PACRG: variants seen among roughly 807,000 people sequenced by gnomAD.
PACRG encodes the protein parkin coregulated gene protein.
Under a neutral mutation model 29.7 loss-of-function variants are expected in PACRG, and 29 were observed. That is an observed-to-expected ratio of 0.98 (90% CI 0.73 to 1.33). The LOEUF is 1.33. Ranked by LOEUF, PACRG falls within the 40% of genes most tolerant of loss-of-function variation. The pLI is 0.00. For missense variants in PACRG, 279 were observed against 316.2 expected (o/e 0.88, Z 0.89); for synonymous variants, 116 against 118.7 (o/e 0.98, Z 0.15).
intron 2 of PACRG, among the ~76,000 whole-genome samples, chr6:162,987,320 G>A (rs986087071): frequency 1.3e-5 from 2 of 152,114 alleles, no homozygotes; most frequent in African/African-American, 4.8e-5. Flanking sequence ...GAGCTACCAG[G>A]CTCCAGGCTG....
At chr6:162,825,718 T>C (rs1260032812) in intron 2 of PACRG, among the ~76,000 whole-genome samples, 1 of 152,196 alleles carries the variant, frequency 6.6e-6, no homozygotes, top group African/African-American at 2.4e-5. Flanking sequence ...ATCTGCCTTC[T>C]GTGGGAGGCC....
chr6:163,093,726 T>C (rs1254172860), intron 4 of PACRG, among the ~76,000 whole-genome samples: 1 of 152,230 alleles, frequency 6.6e-6, no homozygotes, highest in Non-Finnish European at 1.5e-5. Context: ...TCATGAAATA[T>C]GCAAAAGTAA....
At chr6:163,101,866 G>A (rs73786965) in intron 4 of PACRG, among the ~76,000 whole-genome samples, 3,661 of 152,122 alleles carry the variant, frequency 0.024, 162 homozygotes, top group African/African-American at 0.083. Flanking sequence ...GTCTTTTTTC[G>A]GGGGGAATGC....
chr6:162,872,106 A>C (rs34613323), intron 2 of PACRG, among the ~76,000 whole-genome samples: 17,194 of 152,222 alleles, frequency 0.11, 1,322 homozygotes, highest in African/African-American at 0.21. Flanking sequence ...CTTATAGATA[A>C]GGAGGCTCAA....
intron 1 of PACRG, among the ~76,000 whole-genome samples, chr6:162,759,713 A>G (rs1372808323): frequency 6.6e-6 from 1 of 152,204 alleles, no homozygotes; most frequent in East Asian, 1.9e-4. Context: ...TTAGATGGCC[A>G]GAGTTACTGG....
rs957350667 is a variant in PACRG at position 162,846,620 on chromosome 6, C to A, written c.291+32339C>A. On this transcript the variant is annotated intron_variant, in intron 2 of 4. Transcript: ENST00000366888. ...CACCCATCCCCACATCGTATCCTGC[C>A]TTTTTAGATCACCCGTGCCACCCTC... Among the ~76,000 whole-genome samples the A allele has an allele frequency of 3.9e-5, 6 of 152,266 alleles. No homozygotes were observed. In the East Asian group the frequency reaches 1.2e-3, roughly 29 times the overall value.
chr6:163,008,396 A>G (rs964146562), intron 2 of PACRG, among the ~76,000 whole-genome samples: 1 of 152,080 alleles, frequency 6.6e-6, no homozygotes, highest in African/African-American at 2.4e-5. Flanking sequence ...CGAGGCACAC[A>G]TCCAAATCCA....
intron 4 of PACRG, among the ~76,000 whole-genome samples, chr6:163,261,913 C>T (rs972510185): frequency 2.0e-5 from 3 of 152,130 alleles, no homozygotes; most frequent in Admixed American, 6.6e-5. Flanking sequence ...TAGGATCACC[C>T]GGGGTCCTGG....
intron 2 of PACRG, among the ~76,000 whole-genome samples, chr6:163,005,169 G>A (rs1046025037): frequency 2.6e-5 from 4 of 151,868 alleles, no homozygotes; most frequent in African/African-American, 9.7e-5. Context: ...TCCTCTAAGT[G>A]GTAATTTGTG....
At chr6:162,729,979 C>T (rs750249365) in intron 1 of PACRG, among the ~76,000 whole-genome samples, 2 of 151,894 alleles carry the variant, frequency 1.3e-5, no homozygotes, top group Non-Finnish European at 2.9e-5. Flanking sequence ...ACTAGCAATA[C>T]CTCTCTTGCC....
At chr6:163,141,783 A>G (rs946475097) in intron 4 of PACRG, among the ~76,000 whole-genome samples, 3 of 152,146 alleles carry the variant, frequency 2.0e-5, no homozygotes, top group African/African-American at 7.2e-5. Context: ...TAGCAGAAAC[A>G]TGTAAAGTAA....
At chr6:162,816,839 A>T (rs1055983870) in intron 2 of PACRG, among the ~76,000 whole-genome samples, 5 of 152,156 alleles carry the variant, frequency 3.3e-5, no homozygotes, top group African/African-American at 1.2e-4. Flanking sequence ...CCCACAAAAA[A>T]CTAAAAGCAA....
chr6:162,748,962 G>A (rs1227668056), intron 1 of PACRG, among the ~76,000 whole-genome samples: 3 of 151,934 alleles, frequency 2.0e-5, no homozygotes, highest in African/African-American at 2.4e-5. Context: ...TCTCCAGTTA[G>A]CCAATGATCT....
chr6:162,947,512 A>C (rs1469964949), intron 2 of PACRG, among the ~76,000 whole-genome samples: 4 of 120,578 alleles, frequency 3.3e-5, no homozygotes, highest in African/African-American at 9.6e-5. Context: ...TATATAATCT[A>C]TATATATAAT....
At chr6:162,989,085 C>A (rs934090245) in intron 2 of PACRG, among the ~76,000 whole-genome samples, 1 of 152,098 alleles carries the variant, frequency 6.6e-6, no homozygotes, top group Non-Finnish European at 1.5e-5. Context: ...AAGACATGAA[C>A]CAAGCAATGG....
intron 2 of PACRG, among the ~76,000 whole-genome samples, chr6:162,835,924 G>GA (rs879642022): frequency 2.0e-5 from 3 of 151,952 alleles, no homozygotes; most frequent in Non-Finnish European, 4.4e-5. Context: ...TTTCCAGTAG[G>GA]AAAAAAGTGG....
intron 2 of PACRG, among the ~76,000 whole-genome samples, chr6:162,939,748 T>G (rs544789762): frequency 1.3e-5 from 2 of 152,216 alleles, no homozygotes; most frequent in East Asian, 3.9e-4. Flanking sequence ...GTTTTCTATC[T>G]GTTATATTGT....
At chr6:163,309,936 A>G (rs185199594) in intron 4 of PACRG, 1 of 152,384 alleles carries the variant, frequency 6.6e-6, no homozygotes, top group Non-Finnish European at 1.5e-5. Flanking sequence ...TAGAGTTCAT[A>G]AATGACTTCA....
At chr6:163,128,870 T>G (rs191724918) in intron 4 of PACRG, among the ~76,000 whole-genome samples, 1 of 152,368 alleles carries the variant, frequency 6.6e-6, no homozygotes, top group East Asian at 1.9e-4. Context: ...CTTACATATA[T>G]TCTAAAGAAC....
Sources: gnomAD v4.1 joint callset for allele counts (sites outside exome capture counted in the v4.1 genomes callset) on GRCh38, gnomAD v4.1.1 for gene constraint, MANE v1.5 for transcripts, NCBI Gene and HGNC (gene_info 2026-07-23, HGNC 2026-07-21) for gene names.